Variants in TTC28 observed in about 807,000 individuals in gnomAD.
The protein encoded by TTC28 is tetratricopeptide repeat domain 28.
TTC28 carries 61 observed loss-of-function variants against 198.0 expected under a neutral mutation model. The observed-to-expected ratio is 0.31, with a 90% CI of 0.25 to 0.38. The LOEUF is 0.38. Among genes scored for constraint, TTC28 ranks in the 10% least tolerant of loss-of-function variants. The probability of loss-of-function intolerance (pLI) is 1.00; values close to 1 mark genes in which losing one functional copy is unlikely to be tolerated. For synonymous variants in TTC28, 1,171 were observed against 1,297.8 expected (o/e 0.90, Z 2.10); for missense variants, 2,678 against 3,164.0 (o/e 0.85, Z 3.69).
rs780657363 is a variant in TTC28 at position 28,107,668 on chromosome 22, C to T, written c.2177G>A (p.Cys726Tyr). The change falls in exon 7 of 23, where the codon TGT becomes TAT. Residue 726 changes from cysteine to tyrosine, a missense_variant. Physicochemically the swap from Cys to Tyr is radical, Grantham distance 194. Around this residue, in one of 8 missense-constraint regions of TTC28, gnomAD observed 775 missense variants for 845.9 expected, o/e 0.92. Transcript: ENST00000397906. ...TATTGCACCATTTATATCTTTTTTACAGATGAATATATCGCCCAGGTTTCC... is the reference window on the plus strand; with the variant it reads ...TATTGCACCATTTATATCTTTTTTATAGATGAATATATCGCCCAGGTTTCC... ...ALGNLGDIFI[C>Y]KKDINGAIKF... 19 of 1,551,716 alleles carry T rather than the reference C, an allele frequency of 1.2e-5. No individual in the cohort carries two copies. The highest frequency in any genetic ancestry group is 1.6e-5 in the Non-Finnish European group (18 of 1,146,996).
In TTC28 at chr22:27,996,525, T is replaced by C. The variant is rs558616714; in HGVS notation, c.5120-266A>G. The C allele has an allele frequency of 3.3e-4, 144 of 432,244 alleles. 2 individuals carry two copies. Among genetic ancestry groups the C allele is most frequent in the Non-Finnish European group, 5.7e-4 (136 of 240,324 alleles). The allele number at this position is 432,244 out of a possible 1,614,324, so 26.8% of individuals were successfully genotyped here. A position where few individuals can be genotyped will look rare whatever the true frequency, so the allele number is the denominator to read the frequency against. ...TTTTGCAGAAAGGAGCCGAGGGAAGTGCAGTAGGAAAACCTGCCTTGTTTT... is the reference window on the plus strand; with the variant it reads ...TTTTGCAGAAAGGAGCCGAGGGAAGCGCAGTAGGAAAACCTGCCTTGTTTT... On this transcript the variant is annotated intron_variant, in intron 16 of 22. Coordinates refer to ENST00000397906, the MANE Select transcript of TTC28 (RefSeq NM_001145418.2).
intron 12 of TTC28, among the ~76,000 whole-genome samples, chr22:28,086,444 A>G (rs1426115676): frequency 4.6e-5 from 7 of 152,174 alleles, no homozygotes; most frequent in Non-Finnish European, 8.8e-5. Flanking sequence ...AGGCAGAAAT[A>G]AAGATGTTCT....
intron 1 of TTC28, among the ~76,000 whole-genome samples, 162 bp downstream of exon 1, chr22:28,679,460 G>C (rs937339463): frequency 2.6e-5 from 4 of 152,164 alleles, no homozygotes; most frequent in Non-Finnish European, 2.9e-5. Flanking sequence ...GGCAGGCGGC[G>C]GACCAGGTCC....
intron 2 of TTC28, among the ~76,000 whole-genome samples, chr22:28,599,305 G>A (rs2050599043): frequency 6.6e-6 from 1 of 152,200 alleles, no homozygotes. Flanking sequence ...GAGCAGGTAA[G>A]GCATTATCAA....
At chr22:28,484,464 T>C (rs2048292888) in intron 2 of TTC28, among the ~76,000 whole-genome samples, 1 of 152,144 alleles carries the variant, frequency 6.6e-6, no homozygotes, top group Non-Finnish European at 1.5e-5. Flanking sequence ...ATGTCAAATT[T>C]ATTTGTACAA....
chr22:28,219,947 TTA>T (rs1392886067), intron 5 of TTC28, among the ~76,000 whole-genome samples: 8 of 152,376 alleles, frequency 5.3e-5, no homozygotes, highest in African/African-American at 1.7e-4. Flanking sequence ...AAGAGTTCTT[TTA>T]TTTTTTCTTT....
chr22:28,012,417 G>A (rs1013186411), intron 14 of TTC28, among the ~76,000 whole-genome samples: 1 of 152,214 alleles, frequency 6.6e-6, no homozygotes, highest in Non-Finnish European at 1.5e-5. Context: ...AGGGACAGTG[G>A]CAGTGACCCG....
chr22:28,183,941 T>C (rs1002726937), intron 5 of TTC28, among the ~76,000 whole-genome samples: 2 of 152,180 alleles, frequency 1.3e-5, no homozygotes, highest in East Asian at 3.9e-4. Context: ...CTTAGATAAC[T>C]TCAATTAAAC....
intron 2 of TTC28, among the ~76,000 whole-genome samples, chr22:28,490,394 T>C (rs1401999116): frequency 6.6e-6 from 1 of 152,182 alleles, no homozygotes; most frequent in Non-Finnish European, 1.5e-5. Context: ...AGAGTTTGTA[T>C]CACCTGGAAC....
intron 5 of TTC28, among the ~76,000 whole-genome samples, chr22:28,215,307 G>C (rs1927300306): frequency 6.6e-6 from 1 of 152,038 alleles, no homozygotes; most frequent in South Asian, 2.1e-4. Flanking sequence ...AAAGAAGACT[G>C]GATCAGATGG....
chr22:28,161,755 G>GGACAGGAAAC (rs1921222179), intron 6 of TTC28, among the ~76,000 whole-genome samples: 1 of 148,172 alleles, frequency 6.7e-6, no homozygotes, highest in African/African-American at 2.5e-5. Flanking sequence ...GGACAGGACA[G>GGACAGGAAAC]GAAAGGAAAG....
chr22:28,048,637 A>G (rs1939960930), intron 12 of TTC28, among the ~76,000 whole-genome samples: 2 of 152,114 alleles, frequency 1.3e-5, no homozygotes, highest in Non-Finnish European at 2.9e-5. Context: ...GAGTCCACAT[A>G]TGCTGTCCAC....
chr22:28,270,026 G>A (rs1002514908), intron 5 of TTC28, among the ~76,000 whole-genome samples: 10 of 152,302 alleles, frequency 6.6e-5, no homozygotes, highest in African/African-American at 2.2e-4. Flanking sequence ...TAAAATATTT[G>A]AAGAGACTTA....
At chr22:28,439,115 T>C (rs1601399379) in intron 2 of TTC28, among the ~76,000 whole-genome samples, 1 of 152,330 alleles carries the variant, frequency 6.6e-6, no homozygotes, top group Admixed American at 6.5e-5. Flanking sequence ...TAAGTATATA[T>C]TGAGCAACTA....
At chr22:28,399,936 T>A (rs889312225) in intron 2 of TTC28, among the ~76,000 whole-genome samples, 1 of 152,110 alleles carries the variant, frequency 6.6e-6, no homozygotes, top group African/African-American at 2.4e-5. Flanking sequence ...CTGTAGAAAA[T>A]TAGAGAATAC....
chr22:28,485,707 T>C (rs1468682810), intron 2 of TTC28, among the ~76,000 whole-genome samples: 2 of 152,074 alleles, frequency 1.3e-5, no homozygotes, highest in Admixed American at 1.3e-4. Context: ...GGAAAGAAAA[T>C]GAGCATGTAG....
At chr22:28,049,776 G>C (rs1391028339) in intron 12 of TTC28, among the ~76,000 whole-genome samples, 1 of 152,150 alleles carries the variant, frequency 6.6e-6, no homozygotes, top group African/African-American at 2.4e-5. Flanking sequence ...ACTGGTGTGT[G>C]AGGGGGTGCA....
At chr22:28,366,629 A>T (rs1365023579) in intron 2 of TTC28, among the ~76,000 whole-genome samples, 1 of 152,082 alleles carries the variant, frequency 6.6e-6, no homozygotes, top group African/African-American at 2.4e-5. Flanking sequence ...TAAACTCTCC[A>T]ATCAAGACAT....
chr22:28,423,616 G>C (rs2047298675), intron 2 of TTC28, among the ~76,000 whole-genome samples: 1 of 152,164 alleles, frequency 6.6e-6, no homozygotes, highest in Non-Finnish European at 1.5e-5. Flanking sequence ...CCATTAAGTT[G>C]CATCATTACA....
Sources: gnomAD v4.1 joint callset for allele counts (sites outside exome capture counted in the v4.1 genomes callset) on GRCh38, gnomAD v4.1.1 for gene constraint, gnomAD v4.1.1 regional missense constraint, MANE v1.5 for transcripts, NCBI Gene and HGNC (gene_info 2026-07-23, HGNC 2026-07-21) for gene names.